SYNJ2: variants seen among roughly 807,000 people sequenced by gnomAD.
SYNJ2 encodes synaptojanin 2, also known as polyphosphatidylinositol phosphatase SYNJ2.
Under a neutral mutation model 141.3 loss-of-function variants are expected in SYNJ2, and 116 were observed. The observed-to-expected ratio is 0.82, with a 90% CI of 0.71 to 0.96. The LOEUF is 0.96. Among genes scored for constraint, SYNJ2 ranks in the 40% least tolerant of loss-of-function variants. The pLI, the probability that SYNJ2 is intolerant of heterozygous loss-of-function variation, is 0.00. For missense variants in SYNJ2, 1,873 were observed against 1,934.8 expected (o/e 0.97, Z 0.60); for synonymous variants, 745 against 777.7 (o/e 0.96, Z 0.70).
At chr6:157,993,173 C>A (rs1342836074) in intron 1 of SYNJ2, among the ~76,000 whole-genome samples, 1 of 151,448 alleles carries the variant, frequency 6.6e-6, no homozygotes, top group African/African-American at 2.4e-5. Flanking sequence ...TTCCTTTTCT[C>A]CACATCCTTG....
chr6:157,983,733 G>T (rs1055400341), intron 1 of SYNJ2, among the ~76,000 whole-genome samples: 1 of 152,052 alleles, frequency 6.6e-6, no homozygotes, highest in Non-Finnish European at 1.5e-5. Context: ...TTAGAACAGA[G>T]AATGTAAGAA....
intron 20 of SYNJ2, among the ~76,000 whole-genome samples, chr6:158,082,315 C>T (rs373228564): frequency 4.6e-5 from 7 of 151,884 alleles, no homozygotes; most frequent in East Asian, 1.9e-4. Context: ...AGTGAAACCC[C>T]GTCTCCACTA....
At chr6:158,060,892 C>A (rs1199075882) in intron 7 of SYNJ2, among the ~76,000 whole-genome samples, 1 of 152,216 alleles carries the variant, frequency 6.6e-6, no homozygotes, top group Admixed American at 6.5e-5. Context: ...TAGCTGAAGA[C>A]CTGGGTCATG....
chr6:158,045,104 T>TTTC (rs2128346415), intron 5 of SYNJ2, among the ~76,000 whole-genome samples: 1 of 139,642 alleles, frequency 7.2e-6, no homozygotes, highest in East Asian at 2.0e-4. Context: ...TCCTCCTTTT[T>TTTC]TTTTTTTTTT....
At chr6:158,082,939 C>CT (rs11318454) in intron 20 of SYNJ2, among the ~76,000 whole-genome samples, 31 of 149,962 alleles carry the variant, frequency 2.1e-4, no homozygotes, top group Middle Eastern at 3.5e-3. Context: ...GAGAGTTCAA[C>CT]TTTTTTTTTT....
rs375042467 is a variant in SYNJ2 at position 158,063,877 on chromosome 6, G to A, written c.1209+5G>A. ...CAGAGCTTCATCGCGCTCGAGGTGC[G>A]TCCCTGCCACAGCCTTTTCGGCCAT... On this transcript the variant is annotated splice_donor_5th_base_variant and intron_variant, in intron 9 of 26. Coordinates refer to ENST00000355585, the MANE Select transcript of SYNJ2 (RefSeq NM_003898.4). 181 of 1,613,084 alleles carry A rather than the reference G, an allele frequency of 1.1e-4. No homozygotes were observed. The highest frequency in any genetic ancestry group is 4.7e-4 in the East Asian group (21 of 44,838).
rs549065980 is a variant in SYNJ2, at chr6:158,028,706, C to T, written c.215-50C>T. 8 of 1,589,392 alleles carry T rather than the reference C, an allele frequency of 5.0e-6. No individual in the cohort carries two copies. The East Asian group carries it at 6.7e-5, about 13-fold the overall frequency. On this transcript the variant is annotated intron_variant, in intron 2 of 26. Coordinates refer to ENST00000355585, the MANE Select transcript of SYNJ2 (RefSeq NM_003898.4). ...CCATTTGTCCCCTTGGAGCTCCAGG[C>T]GGCCGGGCCGACTTCGACCCTGAGC...
intron 2 of SYNJ2, among the ~76,000 whole-genome samples, chr6:158,020,473 T>C (rs1169437551): frequency 6.9e-6 from 1 of 144,834 alleles, no homozygotes; most frequent in Non-Finnish European, 1.5e-5. Flanking sequence ...TGTGACTCCA[T>C]CTGTATGACT....
At chr6:158,032,510 G>C (rs865921552) in intron 3 of SYNJ2, among the ~76,000 whole-genome samples, 14 of 152,314 alleles carry the variant, frequency 9.2e-5, no homozygotes, top group Middle Eastern at 3.4e-3. Context: ...AGGGGGCCAG[G>C]CCAGCTCAGG....
At chr6:158,017,927 TG>T in intron 2 of SYNJ2, 1 of 386,256 alleles carries the variant, frequency 2.6e-6, no homozygotes, top group Non-Finnish European at 5.3e-6. Flanking sequence ...AAGTCTGGTC[TG>T]GGGCTTCTGC....
intron 1 of SYNJ2, among the ~76,000 whole-genome samples, chr6:158,008,013 A>T (rs578213144): frequency 1.3e-5 from 2 of 152,054 alleles, no homozygotes; most frequent in African/African-American, 4.8e-5. Context: ...TCTTGTCTTG[A>T]ACTCCTGGGC....
intron 2 of SYNJ2, 116 bp downstream of exon 2, chr6:158,017,406 T>A (rs1166701918): frequency 1.3e-3 from 78 of 57,828 alleles, no homozygotes; most frequent in Non-Finnish European, 1.8e-3. Context: ...CTCTCTCTTC[T>A]TTTTTTTTTT....
intron 5 of SYNJ2, among the ~76,000 whole-genome samples, chr6:158,054,128 C>T (rs143961800): frequency 2.6e-3 from 395 of 151,484 alleles, no homozygotes; most frequent in Admixed American, 7.0e-3. Context: ...CACTCACCCA[C>T]CCACCTACCC....
At chr6:158,083,862 C>G (rs952836857) in intron 21 of SYNJ2, 139 bp from the exon 22 acceptor site, 15 of 1,065,856 alleles carry the variant, frequency 1.4e-5, no homozygotes, top group Non-Finnish European at 1.7e-5. Flanking sequence ...GGGGTACCGT[C>G]CCTGCTGGCG....
intron 20 of SYNJ2, among the ~76,000 whole-genome samples, chr6:158,082,442 G>T (rs1181175953): frequency 7.3e-6 from 1 of 136,470 alleles, no homozygotes; most frequent in Non-Finnish European, 1.5e-5. Flanking sequence ...AGCCGAGATC[G>T]CACCATTGCA....
At chr6:157,986,686 C>G (rs550058213) in intron 1 of SYNJ2, among the ~76,000 whole-genome samples, 1 of 152,312 alleles carries the variant, frequency 6.6e-6, no homozygotes, top group South Asian at 2.1e-4. Context: ...CAAATCTTAC[C>G]AGGCTCTTGT....
Position 157,981,913 on chromosome 6 carries a change from C to A in SYNJ2, c.-49C>A. Reference sequence around the variant, plus strand: ...CGGGGAGCTGTCGCGGGCAGCGCGCCCTCGGGAGGACGTGGCCCCGGCCCC... The same window carrying A: ...CGGGGAGCTGTCGCGGGCAGCGCGCACTCGGGAGGACGTGGCCCCGGCCCC... On this transcript the variant is annotated 5_prime_UTR_variant, in exon 1 of 27. Coordinates refer to ENST00000355585, the MANE Select transcript of SYNJ2 (RefSeq NM_003898.4). The surrounding 1 kb of genome is among the most constrained non-coding windows in gnomAD (Gnocchi z 6.4). The A allele has an allele frequency of 8.2e-7, 1 of 1,219,910 alleles. No individual in the cohort carries two copies. The highest frequency in any genetic ancestry group is 4.1e-5 in the South Asian group (1 of 24,250). 75.6% of individuals were successfully genotyped at this position (1,219,910 alleles called of 1,614,324 possible). A position where few individuals can be genotyped will look rare whatever the true frequency, so the allele number is the denominator to read the frequency against.
chr6:158,071,988 A>AG lies in SYNJ2; in HGVS notation c.2133+199dup, dbSNP rs1283716167. The stretch of plus-strand genomic sequence containing the variant: ...GGGGCAGGGTTAGCCACGTGCCTGG[A>AG]GGGGGCCAGCTTTGCAGCATTTCCC... On this transcript the variant is annotated intron_variant, in intron 15 of 26. Transcript: ENST00000355585. This position sits in a 1 kb window ranked among gnomAD's most constrained non-coding sequence, Gnocchi z 4.3. Among the ~76,000 whole-genome samples, 1 of 152,158 alleles carries AG rather than the reference A, an allele frequency of 6.6e-6. No individual in the cohort carries two copies. The highest frequency in any genetic ancestry group is 1.5e-5 in the Non-Finnish European group (1 of 68,022).
chr6:158,090,542 GTT>G (rs58356198), intron 25 of SYNJ2, among the ~76,000 whole-genome samples: 15 of 113,916 alleles, frequency 1.3e-4, no homozygotes, highest in African/African-American at 4.3e-4. Flanking sequence ...TTTTTTTTTT[GTT>G]TTTTTTTTTT....
Sources: allele counts gnomAD v4.1 joint callset (sites outside exome capture counted in the v4.1 genomes callset), GRCh38; gene constraint gnomAD v4.1.1; non-coding constraint Gnocchi (gnomAD v3.1); transcripts MANE v1.5; gene names NCBI Gene and HGNC (gene_info 2026-07-23, HGNC 2026-07-21).